LDB2: variants seen among roughly 807,000 people sequenced by gnomAD.
LDB2 encodes the protein LIM domain binding 2.
A neutral mutation model predicts 44.3 loss-of-function variants in LDB2; 12 were observed. That is an observed-to-expected ratio of 0.27 (90% CI 0.17 to 0.44). LDB2 has a LOEUF of 0.44. Ranked by LOEUF, LDB2 falls within the 20% of genes least tolerant of loss-of-function variation. The pLI is 1.00. For missense variants in LDB2, 344 were observed against 473.5 expected, an observed-to-expected ratio of 0.73 and a Z score of 2.54; for synonymous variants, 164 against 174.8, an observed-to-expected ratio of 0.94 and a Z score of 0.49.
chr4:16,735,691 C>T (rs1310225774), intron 2 of LDB2, among the ~76,000 whole-genome samples: 1 of 152,006 alleles, frequency 6.6e-6, no homozygotes, highest in Admixed American at 6.6e-5. Flanking sequence ...GGTATCTCAC[C>T]TCTGGTATAT....
chr4:16,733,666 C>T (rs547036), intron 2 of LDB2, among the ~76,000 whole-genome samples: 5 of 152,142 alleles, frequency 3.3e-5, no homozygotes, highest in African/African-American at 7.2e-5. Context: ...GTGGCACCAG[C>T]GAATTCAGGT....
In LDB2 at chr4:16,533,101, C is replaced by T. The variant is rs1730692305; in HGVS notation, c.616-20997G>A. 6.6e-6 allele frequency among the ~76,000 whole-genome samples: 1 copy of T among 152,120 alleles called. No homozygotes were observed. Among genetic ancestry groups the T allele is most frequent in the South Asian group, 2.1e-4 (1 of 4,830 alleles). On this transcript the variant is annotated intron_variant, in intron 5 of 7. Coordinates refer to ENST00000304523, the MANE Select transcript of LDB2 (RefSeq NM_001290.5). The surrounding 1 kb of genome is among the most constrained non-coding windows in gnomAD (Gnocchi z 4.1). ...GATTTTAAAACTAGAAGTTCCAGAT[C>T]CCAGGAAACCTCTCAGTCCCATTCA...
At chr4:16,864,217 A>AT (rs1376789901) in intron 1 of LDB2, among the ~76,000 whole-genome samples, 1 of 152,190 alleles carries the variant, frequency 6.6e-6, no homozygotes, top group East Asian at 1.9e-4. Flanking sequence ...AACCTGGCAA[A>AT]TATACATTAC....
chr4:16,562,740 C>T (rs1303256826), intron 5 of LDB2, among the ~76,000 whole-genome samples: 2 of 152,192 alleles, frequency 1.3e-5, no homozygotes, highest in East Asian at 3.9e-4. Context: ...GACTATAAAT[C>T]ATACTGTTAT....
chr4:16,641,560 A>G (rs1407290401), intron 2 of LDB2, among the ~76,000 whole-genome samples: 1 of 152,062 alleles, frequency 6.6e-6, no homozygotes, highest in African/African-American at 2.4e-5. Context: ...TGGCAAGAGA[A>G]GGGGTGCAGG....
intron 5 of LDB2, among the ~76,000 whole-genome samples, chr4:16,518,212 T>C (rs1356069301): frequency 6.6e-6 from 1 of 152,210 alleles, no homozygotes; most frequent in African/African-American, 2.4e-5. Context: ...ACAGTTCTCC[T>C]GGAGAAATTT....
At chr4:16,610,130 G>C (rs1026205270) in intron 2 of LDB2, among the ~76,000 whole-genome samples, 29 of 151,748 alleles carry the variant, frequency 1.9e-4, no homozygotes, top group African/African-American at 7.0e-4. Context: ...GTTGACTATT[G>C]AAAGAAAAAC....
intron 1 of LDB2, among the ~76,000 whole-genome samples, chr4:16,763,742 C>T (rs1295340519): frequency 6.6e-6 from 1 of 152,182 alleles, no homozygotes; most frequent in Non-Finnish European, 1.5e-5. Flanking sequence ...TACCAAGGGG[C>T]AGAGCAGGCA....
chr4:16,679,232 C>T (rs918740878), intron 2 of LDB2, among the ~76,000 whole-genome samples: 26 of 151,684 alleles, frequency 1.7e-4, no homozygotes, highest in South Asian at 1.0e-3. Context: ...ATGAATGATT[C>T]TTTTAATTTT....
intron 7 of LDB2, among the ~76,000 whole-genome samples, chr4:16,505,076 TAAAAG>T (rs1718820033): frequency 6.6e-6 from 1 of 152,200 alleles, no homozygotes; most frequent in East Asian, 1.9e-4. Context: ...AGCATGATAT[TAAAAG>T]AAAAGCTCTC....
intron 1 of LDB2, among the ~76,000 whole-genome samples, chr4:16,806,551 GT>G (rs539442789): frequency 5.3e-5 from 8 of 152,222 alleles, no homozygotes; most frequent in Non-Finnish European, 1.2e-4. Flanking sequence ...TGAGCAGGCA[GT>G]TGCAGAGGAG....
chr4:16,641,242 G>A (rs544532342), intron 2 of LDB2, among the ~76,000 whole-genome samples: 1 of 152,290 alleles, frequency 6.6e-6, no homozygotes, highest in African/African-American at 2.4e-5. Flanking sequence ...TAGGAAACTG[G>A]TATTTCACAT....
chr4:16,775,518 C>A (rs1190662080), intron 1 of LDB2, among the ~76,000 whole-genome samples: 1 of 152,150 alleles, frequency 6.6e-6, no homozygotes, highest in Non-Finnish European at 1.5e-5. Flanking sequence ...AATTAAAGTG[C>A]TTAGAACAGT....
chr4:16,817,302 G>A (rs370978765), intron 1 of LDB2, among the ~76,000 whole-genome samples: 1 of 152,078 alleles, frequency 6.6e-6, no homozygotes, highest in Admixed American at 6.6e-5. Flanking sequence ...CCAGTCTTCC[G>A]CATGATTTGA....
intron 1 of LDB2, among the ~76,000 whole-genome samples, chr4:16,862,075 A>G (rs1268182328): frequency 6.6e-6 from 1 of 152,174 alleles, no homozygotes; most frequent in Non-Finnish European, 1.5e-5. Context: ...AGGCTGCCAC[A>G]CAGTGAATTC....
intron 1 of LDB2, among the ~76,000 whole-genome samples, chr4:16,770,553 G>A (rs2109338730): frequency 6.6e-6 from 1 of 151,862 alleles, no homozygotes; most frequent in Admixed American, 6.5e-5. Context: ...TGTCAGTGGG[G>A]AAACTGAGGC....
At chr4:16,866,935 T>C (rs909936259) in intron 1 of LDB2, among the ~76,000 whole-genome samples, 1 of 151,488 alleles carries the variant, frequency 6.6e-6, no homozygotes, top group African/African-American at 2.4e-5. Flanking sequence ...TATCAATGGG[T>C]ATAGGAGGCT....
At chr4:16,628,236 A>T in intron 2 of LDB2, among the ~76,000 whole-genome samples, 1 of 152,212 alleles carries the variant, frequency 6.6e-6, no homozygotes, top group East Asian at 1.9e-4. Context: ...GACTCAATTC[A>T]TCAGAATGTT....
chr4:16,517,062 G>T (rs575080533), intron 5 of LDB2, among the ~76,000 whole-genome samples: 2 of 152,300 alleles, frequency 1.3e-5, no homozygotes, highest in Non-Finnish European at 2.9e-5. Flanking sequence ...AAGGCCTAGG[G>T]CATTATGAAA....
Sources: allele counts gnomAD v4.1 joint callset (sites outside exome capture counted in the v4.1 genomes callset), GRCh38; gene constraint gnomAD v4.1.1; non-coding constraint Gnocchi (gnomAD v3.1); transcripts MANE v1.5; gene names NCBI Gene and HGNC (gene_info 2026-07-23, HGNC 2026-07-21).